Variants in MYL12B observed in about 807,000 individuals in gnomAD.
MYL12B encodes the protein myosin light chain 12B.
A neutral mutation model predicts 12.9 loss-of-function variants in MYL12B; 3 were observed. The ratio of observed to expected loss-of-function variants is 0.23; its 90% CI spans 0.11 to 0.60. The LOEUF (loss-of-function observed/expected upper bound fraction) is 0.60, where lower values mean the gene tolerates loss of function less well. Among genes scored for constraint, MYL12B ranks in the 20% least tolerant of loss-of-function variants. The probability of loss-of-function intolerance (pLI) is 0.89; values close to 1 mark genes in which losing one functional copy is unlikely to be tolerated. For missense variants in MYL12B, 120 were observed against 215.4 expected, an observed-to-expected ratio of 0.56 and a Z score of 2.77; for synonymous variants, 57 against 71.9, an observed-to-expected ratio of 0.79 and a Z score of 1.05.
rs2081752338 is a variant in MYL12B, at chr18:3,278,450, A to T, written c.*513A>T. Among the ~76,000 whole-genome samples, 1 of 19,278 alleles carries T rather than the reference A, an allele frequency of 5.2e-5. No homozygotes were observed. Among genetic ancestry groups the T allele is most frequent in the African/African-American group, 1.8e-4 (1 of 5,510 alleles). The allele number at this position is 19,278 out of a possible 152,430, so 12.6% of individuals were successfully genotyped here. A position where few individuals can be genotyped will look rare whatever the true frequency, so the allele number is the denominator to read the frequency against. On this transcript the variant is annotated 3_prime_UTR_variant, in exon 4 of 4. Transcript: ENST00000237500. ...CATTATTATGCAGTAAAAACTAGTTATGCCATTGTTTTTCACGCTTCTAGT... is the reference window on the plus strand; with the variant it reads ...CATTATTATGCAGTAAAAACTAGTTTTGCCATTGTTTTTCACGCTTCTAGT...
chr18:3,268,244 A>G (rs1369114607), intron 1 of MYL12B, among the ~76,000 whole-genome samples: 1 of 152,222 alleles, frequency 6.6e-6, no homozygotes, highest in Non-Finnish European at 1.5e-5. Flanking sequence ...ACTTTGTATT[A>G]GAAATTTATA....
rs551834738 is a variant in MYL12B at position 3,277,946 on chromosome 18, T to C, written c.*9T>C. On this transcript the variant is annotated 3_prime_UTR_variant, in exon 4 of 4. Coordinates refer to ENST00000237500, the MANE Select transcript of MYL12B (RefSeq NM_033546.4). ...AAGACAAAGATGACTGAAAGAACTT[T>C]AGCTAAAATCTTCCAGTTACATTGT... is the stretch of plus-strand genomic sequence containing the variant. 10 of 1,612,546 alleles carry C rather than the reference T, an allele frequency of 6.2e-6. No homozygotes were observed. In the African/African-American group the frequency reaches 9.3e-5, roughly 15 times the overall value.
In MYL12B at chr18:3,277,133, T is replaced by G. The variant is rs1012191793; in HGVS notation, c.185-120T>G. On this transcript the variant is annotated intron_variant, in intron 2 of 3. Coordinates refer to ENST00000237500, the MANE Select transcript of MYL12B (RefSeq NM_033546.4). ...TTTTTAAAATGTTCTTAAAGTTAAT[T>G]GAAAAATTAGTTTCAAATGATGTAC... 7 of 1,263,618 alleles carry G rather than the reference T, an allele frequency of 5.5e-6. No individual in the cohort carries two copies. In the African/African-American group the frequency reaches 1.1e-4, roughly 19 times the overall value. The allele number at this position is 1,263,618 out of a possible 1,614,324, so 78.3% of individuals were successfully genotyped here.
chr18:3,277,833 G>T lies in MYL12B; in HGVS notation c.415G>T (p.Val139Leu), dbSNP rs780766492. The change falls in exon 4 of 4, where the codon GTG (valine) becomes TTG (leucine). Residue 139 changes from valine (V) to leucine (L), a missense_variant. Physicochemically the swap from Val to Leu is conservative, Grantham distance 32. Transcript: ENST00000237500. The stretch of plus-strand genomic sequence containing the variant: ...GGGGGATCGGTTTACAGATGAGGAA[G>T]TGGATGAGCTGTACAGAGAAGCACC... ...TMGDRFTDEE[V>L]DELYREAPID... 1 of 1,614,106 alleles carries T rather than the reference G, an allele frequency of 6.2e-7. No homozygotes were observed. The highest frequency in any genetic ancestry group is 1.1e-5 in the South Asian group (1 of 91,076).
chr18:3,277,353 T>C lies in MYL12B; in HGVS notation c.285T>C (p.Asn95=). 6.2e-7 allele frequency: 1 copy of C among 1,614,076 alleles called. No individual in the cohort carries two copies. The highest frequency in any genetic ancestry group is 1.7e-5 in the Admixed American group (1 of 60,028). The part of the protein sequence containing the change: ...MFLTMFGEKL[N]GTDPEDVIRN... ...TGACCATGTTTGGTGAGAAGTTAAA[T>C]GGCACAGATCCTGAAGATGTCATCA... The change falls in exon 3 of 4, where the codon AAT becomes AAC. Residue 95 remains asparagine, a synonymous_variant. Coordinates refer to ENST00000237500, the MANE Select transcript of MYL12B (RefSeq NM_033546.4).
Position 3,273,058 on chromosome 18 carries a change from T to C in MYL12B, c.160T>C (p.Leu54=). The part of the protein sequence containing the change: ...NRDGFIDKED[L]HDMLASLGKN... ...AGATGGCTTCATCGACAAGGAAGAT[T>C]TGCATGATATGCTTGCTTCTCTAGG... The change falls in exon 2 of 4, where the codon TTG becomes CTG. Residue 54 remains leucine, a synonymous_variant. Transcript: ENST00000237500. 1.2e-6 allele frequency: 2 copies of C among 1,606,416 alleles called. No homozygotes were observed. Among genetic ancestry groups the C allele is most frequent in the Non-Finnish European group, 1.7e-6 (2 of 1,176,080 alleles).
At chr18:3,275,932 G>A (rs2144365579) in intron 2 of MYL12B, among the ~76,000 whole-genome samples, 1 of 152,250 alleles carries the variant, frequency 6.6e-6, no homozygotes, top group Admixed American at 6.5e-5. Flanking sequence ...GGACTGCAAT[G>A]CAGTGAAATA....
chr18:3,270,973 G>A (rs1441899700), intron 1 of MYL12B, among the ~76,000 whole-genome samples: 1 of 152,136 alleles, frequency 6.6e-6, no homozygotes, highest in Non-Finnish European at 1.5e-5. Context: ...CACCCGGCCT[G>A]ATTCGTTTTT....
Position 3,269,731 on chromosome 18 carries a change from A to G in MYL12B, c.-15-3153A>G, listed in dbSNP as rs372065501. On this transcript the variant is annotated intron_variant, in intron 1 of 3. Coordinates refer to ENST00000237500, the MANE Select transcript of MYL12B (RefSeq NM_033546.4). ...AGGAATGAAGACTGAAAAGAACTTT[A>G]AACCATGTGCTGCTAGAATACTGGG... 2.6e-5 allele frequency among the ~76,000 whole-genome samples: 4 copies of G among 152,380 alleles called. No homozygotes were observed. The South Asian group carries it at 8.3e-4, about 32-fold the overall frequency.
intron 1 of MYL12B, chr18:3,272,040 C>T: frequency 3.0e-6 from 3 of 984,446 alleles, no homozygotes; most frequent in Non-Finnish European, 3.6e-6. Context: ...AAATAAAAAA[C>T]AGAAGGAAAA....
At chr18:3,271,703 T>C (rs2081680528) in intron 1 of MYL12B, among the ~76,000 whole-genome samples, 1 of 152,178 alleles carries the variant, frequency 6.6e-6, no homozygotes, top group Non-Finnish European at 1.5e-5. Flanking sequence ...ATGTAGCTAG[T>C]AACGGTGGAG....
intron 1 of MYL12B, among the ~76,000 whole-genome samples, chr18:3,263,908 C>T (rs2081616262): frequency 6.6e-6 from 1 of 152,164 alleles, no homozygotes; most frequent in East Asian, 1.9e-4. Context: ...CATTTTCTAG[C>T]TGTGTGGCAA....
chr18:3,265,053 T>G (rs2081625645), intron 1 of MYL12B, among the ~76,000 whole-genome samples: 1 of 152,152 alleles, frequency 6.6e-6, no homozygotes, highest in Admixed American at 6.5e-5. Context: ...AGAAATGTCA[T>G]TGTTATAATG....
intron 1 of MYL12B, among the ~76,000 whole-genome samples, chr18:3,264,134 T>TG (rs1239576957): frequency 6.6e-6 from 1 of 152,146 alleles, no homozygotes; most frequent in African/African-American, 2.4e-5. Flanking sequence ...AGGGATCTCT[T>TG]GGGGAAGAGA....
chr18:3,276,611 C>CA, intron 2 of MYL12B: 1 of 950,572 alleles, frequency 1.1e-6, no homozygotes, highest in Non-Finnish European at 1.3e-6. Context: ...CTTAAATGGC[C>CA]AACTTATAAA....
intron 1 of MYL12B, among the ~76,000 whole-genome samples, chr18:3,271,145 C>A (rs1008670148): frequency 6.6e-6 from 1 of 152,162 alleles, no homozygotes; most frequent in Admixed American, 6.5e-5. Context: ...GAACCTTAAT[C>A]TAAGTTTTGG....
chr18:3,274,973 C>G (rs1348027970), intron 2 of MYL12B, among the ~76,000 whole-genome samples: 1 of 152,050 alleles, frequency 6.6e-6, no homozygotes, highest in African/African-American at 2.4e-5. Context: ...GTATATACCC[C>G]CAAAAAAGGA....
chr18:3,277,959 C>T lies in MYL12B; in HGVS notation c.*22C>T, dbSNP rs780772250. The T allele has an allele frequency of 2.5e-6, 4 of 1,609,138 alleles. No individual in the cohort carries two copies. The stretch of plus-strand genomic sequence containing the variant: ...CTGAAAGAACTTTAGCTAAAATCTT[C>T]CAGTTACATTGTCTTACTCTCTTTT... On this transcript the variant is annotated 3_prime_UTR_variant, in exon 4 of 4. Coordinates refer to ENST00000237500, the MANE Select transcript of MYL12B (RefSeq NM_033546.4).
chr18:3,272,663 C>A (rs781727310), intron 1 of MYL12B, among the ~76,000 whole-genome samples: 2 of 152,188 alleles, frequency 1.3e-5, no homozygotes, highest in Non-Finnish European at 2.9e-5. Context: ...TGGTGTCTGG[C>A]AAATTCTGTT....
Sources: gnomAD v4.1 joint callset for allele counts (sites outside exome capture counted in the v4.1 genomes callset) on GRCh38, gnomAD v4.1.1 for gene constraint, MANE v1.5 for transcripts, NCBI Gene and HGNC (gene_info 2026-07-23, HGNC 2026-07-21) for gene names.